ZNF83: variants seen among roughly 807,000 people sequenced by gnomAD.
ZNF83 encodes zinc finger protein 83, also known as zinc finger protein 816B.
For missense variants in ZNF83, 552 were observed against 629.9 expected, an observed-to-expected ratio of 0.88 and a Z score of 1.32; for synonymous variants, 209 against 213.0, an observed-to-expected ratio of 0.98 and a Z score of 0.17.
At chr19:52,647,180 C>T (rs748683401) in intron 3 of ZNF83, among the ~76,000 whole-genome samples, 43 of 152,280 alleles carry the variant, frequency 2.8e-4, no homozygotes, top group Middle Eastern at 3.4e-3. Context: ...GAGAGTGAGA[C>T]TCTCAAGTGA....
chr19:52,666,492 C>A (rs1475199537), intron 1 of ZNF83, among the ~76,000 whole-genome samples: 1 of 151,998 alleles, frequency 6.6e-6, no homozygotes, highest in Non-Finnish European at 1.5e-5. Flanking sequence ...ACCCAGTAAA[C>A]CGCGGATGGC....
chr19:52,613,529 T>G, exon 3 of ZNF83: 1 of 1,614,138 alleles, frequency 6.2e-7, no homozygotes, highest in Non-Finnish European at 8.5e-7. Flanking sequence ...TCATTACATT[T>G]GTAAGGTTTC....
chr19:52,651,834 G>A (rs2061445805), intron 3 of ZNF83: 1 of 156,204 alleles, frequency 6.4e-6, no homozygotes, highest in Admixed American at 6.5e-5. Flanking sequence ...CTCCCAAAGT[G>A]CTGGGATTAT....
intron 1 of ZNF83, among the ~76,000 whole-genome samples, chr19:52,681,368 G>A (rs2061917545): frequency 6.7e-6 from 1 of 150,124 alleles, no homozygotes. Context: ...TCATTACCTA[G>A]ATGAGCTGAA....
At chr19:52,640,103 C>T (rs1419286748), upstream of ZNF83, among the ~76,000 whole-genome samples, 5 of 152,166 alleles carry the variant, frequency 3.3e-5, no homozygotes, top group African/African-American at 4.8e-5. Context: ...AAACCCTAAC[C>T]CATGTCTTTT....
intron 1 of ZNF83, among the ~76,000 whole-genome samples, chr19:52,673,063 C>T (rs542772002): frequency 2.4e-4 from 37 of 151,462 alleles, no homozygotes; most frequent in Non-Finnish European, 4.9e-4. Context: ...ACCAAAAATA[C>T]AAAAAAAACT....
At chr19:52,668,385 A>G (rs1268717709) in intron 1 of ZNF83, among the ~76,000 whole-genome samples, 1 of 152,148 alleles carries the variant, frequency 6.6e-6, no homozygotes, top group Non-Finnish European at 1.5e-5. Context: ...AGCTTAGTCT[A>G]TCTATCTTTT....
intron 1 of ZNF83, among the ~76,000 whole-genome samples, chr19:52,690,068 C>T (rs1460391519): frequency 1.3e-5 from 2 of 151,938 alleles, no homozygotes; most frequent in African/African-American, 4.8e-5. Flanking sequence ...GGCCGCGGCG[C>T]TGCGCTTCAG....
rs1214618297 is a variant in ZNF83, at chr19:52,687,440, C to A, written c.-283+3003G>T. The stretch of plus-strand genomic sequence containing the variant: ...ATAATATAAATTATAATTTATATAG[C>A]TATATAAATTATAATATAAATTATA... On this transcript the variant is annotated intron_variant, in intron 1 of 5. Coordinates refer to the ZNF83 transcript ENST00000594682. 6.4e-3 allele frequency among the ~76,000 whole-genome samples: 96 copies of A among 15,110 alleles called. 31 individuals are homozygous for A. Among genetic ancestry groups the A allele is most frequent in the South Asian group, 0.051 (35 of 682 alleles). 9.9% of individuals were successfully genotyped at this position (15,110 alleles called of 152,430 possible). A position where few individuals can be genotyped will look rare whatever the true frequency, so the allele number is the denominator to read the frequency against.
intron 2 of ZNF83, among the ~76,000 whole-genome samples, chr19:52,626,193 T>C (rs1436026762): frequency 6.6e-6 from 1 of 152,228 alleles, no homozygotes; most frequent in Middle Eastern, 3.2e-3. Context: ...GGAGCTGGAA[T>C]AGCAGGCATT....
chr19:52,671,989 T>C (rs1205765434), intron 1 of ZNF83, among the ~76,000 whole-genome samples: 2 of 152,086 alleles, frequency 1.3e-5, no homozygotes, highest in African/African-American at 2.4e-5. Flanking sequence ...TCCCAGCACT[T>C]TGGGAGGTCG....
chr19:52,642,319 A>AGT (rs1568558840), upstream of ZNF83, among the ~76,000 whole-genome samples: 1 of 113,220 alleles, frequency 8.8e-6, no homozygotes, highest in Non-Finnish European at 1.6e-5. Flanking sequence ...CCCAAGCTGG[A>AGT]GTGCAGTGGC....
intron 3 of ZNF83, chr19:52,652,921 T>C (rs2061461279): frequency 1.7e-6 from 2 of 1,161,662 alleles, no homozygotes; most frequent in Non-Finnish European, 1.3e-6. Flanking sequence ...ATGAAGTCTA[T>C]AATGGTATAC....
At position 52,653,570 on chromosome 19, in the gene ZNF83, G is replaced by T. The variant is rs2061470239; in HGVS notation, c.-74+1991C>A. Among the ~76,000 whole-genome samples the T allele has an allele frequency of 2.6e-5, 4 of 152,000 alleles. No homozygotes were observed. The South Asian group carries it at 8.3e-4, about 32-fold the overall frequency. On this transcript the variant is annotated intron_variant, in intron 3 of 5. Transcript: ENST00000594682. Reference sequence around the variant, plus strand: ...TTGTCACATCCTTCACATTTGTAAGGTTTCTCTCCAGTATGACGTCTACGA... The same window carrying T: ...TTGTCACATCCTTCACATTTGTAAGTTTTCTCTCCAGTATGACGTCTACGA...
At chr19:52,641,457 T>G (rs1476174719), upstream of ZNF83, among the ~76,000 whole-genome samples, 3 of 152,244 alleles carry the variant, frequency 2.0e-5, no homozygotes, top group African/African-American at 7.2e-5. Context: ...ATTAGAAATA[T>G]ATCATTCATA....
chr19:52,686,472 AT>A (rs2062017132), intron 1 of ZNF83, among the ~76,000 whole-genome samples: 1 of 143,002 alleles, frequency 7.0e-6, no homozygotes, highest in African/African-American at 2.6e-5. Flanking sequence ...ATATATATAT[AT>A]ATATATATAA....
At chr19:52,613,371 C>T (rs774587192) in exon 3 of ZNF83, 1 of 1,613,676 alleles carries the variant, frequency 6.2e-7, no homozygotes, top group Non-Finnish European at 8.5e-7. Flanking sequence ...TGTAAGGTTT[C>T]TCTCCAGTAT....
intron 2 of ZNF83, among the ~76,000 whole-genome samples, chr19:52,632,968 A>AC (rs1301966494): frequency 6.6e-6 from 1 of 150,702 alleles, no homozygotes; most frequent in Non-Finnish European, 1.5e-5. Context: ...TCTCCATACC[A>AC]CCCCCAAAAA....
intron 1 of ZNF83, among the ~76,000 whole-genome samples, chr19:52,684,554 AAG>A (rs760784459): frequency 0.016 from 2,217 of 142,490 alleles, 92 homozygotes; most frequent in African/African-American, 0.057. Flanking sequence ...TGTCTAAAAA[AAG>A]AAAAAAAAAG....
Sources: allele counts gnomAD v4.1 joint callset (sites outside exome capture counted in the v4.1 genomes callset), GRCh38; gene constraint gnomAD v4.1.1; transcripts MANE v1.5; gene names NCBI Gene and HGNC (gene_info 2026-07-23, HGNC 2026-07-21).